The following RNF17 variants were observed in gnomAD, a reference collection of about 807,000 sequenced individuals.
The protein encoded by RNF17 is spermatogenesis associated 23.
A neutral mutation model predicts 200.5 loss-of-function variants in RNF17; 31 were observed. The ratio of observed to expected loss-of-function variants is 0.15; its 90% CI spans 0.12 to 0.21. RNF17 has a LOEUF of 0.21. RNF17 is among the 10% of genes least tolerant of loss of function. The probability of loss-of-function intolerance (pLI) is 1.00; values close to 1 mark genes in which losing one functional copy is unlikely to be tolerated. For synonymous variants in RNF17, 606 were observed against 637.8 expected, an observed-to-expected ratio of 0.95 and a Z score of 0.75; for missense variants, 1,628 against 1,905.1, an observed-to-expected ratio of 0.85 and a Z score of 2.71.
At chr13:24,775,778 C>G (rs1245938199) in intron 3 of RNF17, among the ~76,000 whole-genome samples, 1 of 152,132 alleles carries the variant, frequency 6.6e-6, no homozygotes, top group African/African-American at 2.4e-5. Flanking sequence ...ATGTTACTGA[C>G]TATTTCACTT....
intron 21 of RNF17, 55 bp downstream of exon 21, chr13:24,844,857 T>C: frequency 6.3e-7 from 1 of 1,584,134 alleles, no homozygotes. Context: ...CATTTTGTAT[T>C]TTTTTCCCTG....
chr13:24,800,634 T>C (rs926965152), intron 13 of RNF17, 100 bp downstream of exon 13: 38 of 860,212 alleles, frequency 4.4e-5, no homozygotes, highest in Non-Finnish European at 6.7e-5. Context: ...GAACCAGTAA[T>C]CTTGATAAAT....
chr13:24,858,087 A>G (rs1892713507), intron 25 of RNF17, among the ~76,000 whole-genome samples: 1 of 152,130 alleles, frequency 6.6e-6, no homozygotes, highest in Non-Finnish European at 1.5e-5. Context: ...CGATAACTCT[A>G]GCACTCATAG....
chr13:24,814,164 T>C (rs1388120668), intron 15 of RNF17, among the ~76,000 whole-genome samples: 1 of 152,230 alleles, frequency 6.6e-6, no homozygotes, highest in Non-Finnish European at 1.5e-5. Flanking sequence ...TGGATCATTA[T>C]ACAAGTCTTC....
At chr13:24,866,956 A>G (rs1294393811) in intron 30 of RNF17, among the ~76,000 whole-genome samples, 1 of 152,042 alleles carries the variant, frequency 6.6e-6, no homozygotes, top group East Asian at 1.9e-4. Context: ...TTTTCTAGCC[A>G]TTTTAGGATA....
intron 24 of RNF17, among the ~76,000 whole-genome samples, chr13:24,852,516 A>G (rs1204906367): frequency 6.6e-6 from 1 of 152,144 alleles, no homozygotes. Context: ...TTTGTACCAT[A>G]TATGGCCAGA....
At chr13:24,787,366 G>A (rs566497314) in intron 6 of RNF17, among the ~76,000 whole-genome samples, 2 of 152,258 alleles carry the variant, frequency 1.3e-5, no homozygotes, top group South Asian at 4.2e-4. Flanking sequence ...TCCTTTGAAT[G>A]GGTCATGTTT....
At chr13:24,770,302 C>A (rs983450692) in intron 2 of RNF17, among the ~76,000 whole-genome samples, 1 of 151,964 alleles carries the variant, frequency 6.6e-6, no homozygotes, top group African/African-American at 2.4e-5. Flanking sequence ...AGGCAAAACA[C>A]CATCATAAAT....
At chr13:24,842,020 A>G (rs1273715987) in intron 18 of RNF17, 21 bp from the exon 19 acceptor site, 6 of 1,583,164 alleles carry the variant, frequency 3.8e-6, no homozygotes, top group Non-Finnish European at 5.1e-6. Flanking sequence ...CTTTCCCCAA[A>G]CTTTCTTAAT....
intron 15 of RNF17, among the ~76,000 whole-genome samples, chr13:24,818,293 A>G (rs1419140321): frequency 2.0e-5 from 3 of 152,144 alleles, no homozygotes; most frequent in Admixed American, 6.5e-5. Context: ...GCAGCCTAAC[A>G]TATGGTCTAT....
chr13:24,780,274 T>C (rs1181107806), intron 5 of RNF17, among the ~76,000 whole-genome samples: 2 of 151,600 alleles, frequency 1.3e-5, no homozygotes, highest in East Asian at 1.9e-4. Context: ...TCAAGAGGAA[T>C]GAGAAATACG....
rs770439398 is a variant in RNF17 at position 24,778,312 on chromosome 13, A to G, written c.335A>G (p.Gln112Arg). Reference sequence around the variant, plus strand: ...CTTTTCAGGATAAAGAATTGTTCTCAGGACTTTAAGAAGACTGCTGATCAG... The same window carrying G: ...CTTTTCAGGATAAAGAATTGTTCTCGGGACTTTAAGAAGACTGCTGATCAG... ...LQPKTIKNCS[Q>R]DFKKTADQLT... The change falls in exon 4 of 36, where the codon CAG becomes CGG. Residue 112 changes from glutamine to arginine, a missense_variant. Physicochemically the swap from Gln to Arg is conservative, Grantham distance 43. Coordinates refer to ENST00000255324, the MANE Select transcript of RNF17 (RefSeq NM_031277.3). The G allele has an allele frequency of 6.2e-7, 1 of 1,607,658 alleles. No homozygotes were observed.
At chr13:24,852,199 C>T (rs1177880930) in intron 24 of RNF17, among the ~76,000 whole-genome samples, 1 of 147,944 alleles carries the variant, frequency 6.8e-6, no homozygotes, top group African/African-American at 2.5e-5. Flanking sequence ...AGTGCAGTGG[C>T]GCAATCTCGG....
At chr13:24,834,972 G>T (rs1889811326) in intron 18 of RNF17, among the ~76,000 whole-genome samples, 1 of 152,158 alleles carries the variant, frequency 6.6e-6, no homozygotes, top group Non-Finnish European at 1.5e-5. Context: ...ACAGACTTGG[G>T]GCTGATGGGG....
At chr13:24,847,972 C>T (rs1328997169) in intron 22 of RNF17, among the ~76,000 whole-genome samples, 1 of 152,176 alleles carries the variant, frequency 6.6e-6, no homozygotes, top group Non-Finnish European at 1.5e-5. Context: ...TGTGTACATA[C>T]TTTAAATGGT....
At chr13:24,763,611 C>T (rs557788290), upstream of RNF17, among the ~76,000 whole-genome samples, 12 of 152,094 alleles carry the variant, frequency 7.9e-5, no homozygotes, top group Non-Finnish European at 1.5e-5. Flanking sequence ...TTATGTATCT[C>T]TCAAGCAGAA....
chr13:24,816,837 C>T (rs1887466084), intron 15 of RNF17, among the ~76,000 whole-genome samples: 2 of 152,176 alleles, frequency 1.3e-5, no homozygotes, highest in Non-Finnish European at 2.9e-5. Context: ...GGCCACAGGT[C>T]AGGCAAGAAG....
chr13:24,838,577 A>T (rs571427386), intron 18 of RNF17, among the ~76,000 whole-genome samples: 1 of 152,342 alleles, frequency 6.6e-6, no homozygotes, highest in African/African-American at 2.4e-5. Flanking sequence ...AAAAAATCAC[A>T]TGATCTCAAT....
intron 18 of RNF17, among the ~76,000 whole-genome samples, chr13:24,836,502 A>G (rs1858143635): frequency 6.6e-6 from 1 of 152,234 alleles, no homozygotes; most frequent in South Asian, 2.1e-4. Context: ...GATTACCAGC[A>G]GATTTATCAG....
Sources: gnomAD v4.1 joint callset for allele counts (sites outside exome capture counted in the v4.1 genomes callset) on GRCh38, gnomAD v4.1.1 for gene constraint, MANE v1.5 for transcripts, NCBI Gene and HGNC (gene_info 2026-07-23, HGNC 2026-07-21) for gene names.